CUX1: variants seen among roughly 807,000 people sequenced by gnomAD.
The protein encoded by CUX1 is cut like homeobox 1.
CUX1 carries 31 observed loss-of-function variants against 158.8 expected under a neutral mutation model. That is an observed-to-expected ratio of 0.20 (90% CI 0.15 to 0.26). The LOEUF (loss-of-function observed/expected upper bound fraction) is 0.26, where lower values mean the gene tolerates loss of function less well. Ranked by LOEUF, CUX1 falls within the 10% of genes least tolerant of loss-of-function variation. CUX1 has a pLI of 1.00. For missense variants in CUX1, 1,589 were observed against 2,014.6 expected (o/e 0.79, Z 4.04); for synonymous variants, 879 against 862.1 (o/e 1.02, Z -0.34).
At chr7:101,865,686 G>A (rs1265029334) in intron 1 of CUX1, among the ~76,000 whole-genome samples, 3 of 152,238 alleles carry the variant, frequency 2.0e-5, no homozygotes, top group Non-Finnish European at 2.9e-5. Context: ...GGGTGTGCGT[G>A]CACCCTGGAG....
chr7:101,924,538 C>A (rs923368584), intron 2 of CUX1, among the ~76,000 whole-genome samples: 6 of 151,460 alleles, frequency 4.0e-5, no homozygotes, highest in African/African-American at 1.5e-4. Context: ...AGCAAAGTCA[C>A]ATATCATCCC....
At chr7:102,025,454 C>A (rs1819891954) in intron 2 of CUX1, among the ~76,000 whole-genome samples, 1 of 152,066 alleles carries the variant, frequency 6.6e-6, no homozygotes. Flanking sequence ...ATAGTGAAAT[C>A]CTGTCTCTAC....
intron 2 of CUX1, among the ~76,000 whole-genome samples, chr7:101,984,706 T>C (rs1814053309): frequency 1.3e-5 from 2 of 152,102 alleles, no homozygotes; most frequent in African/African-American, 2.4e-5. Flanking sequence ...TGAAAAATGC[T>C]GGAGGTGGCT....
chr7:102,099,673 C>T (rs1416654254), intron 5 of CUX1, among the ~76,000 whole-genome samples: 4 of 152,052 alleles, frequency 2.6e-5, no homozygotes, highest in East Asian at 1.9e-4. Context: ...GTAGTCCTCC[C>T]GCCTCAGCCT....
intron 2 of CUX1, among the ~76,000 whole-genome samples, chr7:102,015,353 A>T (rs1342497608): frequency 6.6e-6 from 1 of 151,980 alleles, no homozygotes; most frequent in African/African-American, 2.4e-5. Flanking sequence ...TCAGCCTCCC[A>T]AGTAGCTTGG....
intron 1 of CUX1, among the ~76,000 whole-genome samples, chr7:101,898,244 A>G (rs1207202605): frequency 6.6e-6 from 1 of 152,210 alleles, no homozygotes; most frequent in Non-Finnish European, 1.5e-5. Context: ...GTTTTCCCCA[A>G]TGTAAAAGTC....
At chr7:102,203,797 G>C (rs751173807) in intron 18 of CUX1, among the ~76,000 whole-genome samples, 1 of 152,010 alleles carries the variant, frequency 6.6e-6, no homozygotes, top group Non-Finnish European at 1.5e-5. Flanking sequence ...GTGTGTACAC[G>C]CAACTCGGCA....
At chr7:101,865,520 A>G (rs1276853335) in intron 1 of CUX1, among the ~76,000 whole-genome samples, 5 of 152,170 alleles carry the variant, frequency 3.3e-5, no homozygotes, top group South Asian at 2.1e-4. Flanking sequence ...TTTACTGGCA[A>G]TCCTGTCTAC....
chr7:102,046,649 T>A (rs1314035509), intron 3 of CUX1, among the ~76,000 whole-genome samples: 1 of 144,126 alleles, frequency 6.9e-6, no homozygotes, highest in Non-Finnish European at 1.5e-5. Context: ...CGATCACAGC[T>A]CACTGCAGCC....
At chr7:102,015,684 T>C (rs1193611077) in intron 2 of CUX1, among the ~76,000 whole-genome samples, 1 of 152,220 alleles carries the variant, frequency 6.6e-6, no homozygotes, top group Non-Finnish European at 1.5e-5. Flanking sequence ...GGGATCAGAC[T>C]GTAAACAAGC....
At chr7:102,112,775 T>C (rs1831070166) in intron 7 of CUX1, among the ~76,000 whole-genome samples, 1 of 152,096 alleles carries the variant, frequency 6.6e-6, no homozygotes, top group Non-Finnish European at 1.5e-5. Context: ...TTCACCACAT[T>C]GGCCAGTCCG....
chr7:101,875,912 A>G (rs1799077601), intron 1 of CUX1, among the ~76,000 whole-genome samples: 1 of 152,162 alleles, frequency 6.6e-6, no homozygotes, highest in African/African-American at 2.4e-5. Flanking sequence ...AGAAACTACA[A>G]GAAATTATGG....
At chr7:101,976,644 G>C (rs1025710838) in intron 2 of CUX1, among the ~76,000 whole-genome samples, 2 of 152,102 alleles carry the variant, frequency 1.3e-5, no homozygotes, top group African/African-American at 4.8e-5. Flanking sequence ...TGACGAGTGT[G>C]AATGTGGCAG....
At chr7:102,163,504 A>G (rs1370231351) in intron 9 of CUX1, among the ~76,000 whole-genome samples, 1 of 151,994 alleles carries the variant, frequency 6.6e-6, no homozygotes, top group Non-Finnish European at 1.5e-5. Flanking sequence ...GGAGGGTCTG[A>G]GTATGAAGGA....
At chr7:101,932,614 C>A in intron 2 of CUX1, 1 of 455,252 alleles carries the variant, frequency 2.2e-6, no homozygotes. Context: ...GATGTGTGCT[C>A]GGGGAAAGGT....
chr7:102,261,727 G>A (rs1436320047), downstream of CUX1, among the ~76,000 whole-genome samples: 1 of 152,092 alleles, frequency 6.6e-6, no homozygotes, highest in Non-Finnish European at 1.5e-5. Flanking sequence ...TGATGACCGT[G>A]AGCAAGTCTT....
chr7:101,924,447 AC>A (rs1203867782), intron 2 of CUX1, among the ~76,000 whole-genome samples: 1 of 150,884 alleles, frequency 6.6e-6, no homozygotes, highest in East Asian at 2.0e-4. Flanking sequence ...GGCCCTGCAC[AC>A]CCCCCAGGAC....
intron 3 of CUX1, among the ~76,000 whole-genome samples, chr7:102,041,031 G>A (rs1284589412): frequency 2.0e-5 from 3 of 152,006 alleles, no homozygotes; most frequent in African/African-American, 4.8e-5. Flanking sequence ...GCTCATGCCT[G>A]TAATACCAGC....
At chr7:102,192,052 G>A (rs1554517155) in intron 12 of CUX1, among the ~76,000 whole-genome samples, 1 of 152,166 alleles carries the variant, frequency 6.6e-6, no homozygotes, top group Non-Finnish European at 1.5e-5. Flanking sequence ...CCCCACTCAG[G>A]TGGCTTCTTT....
Sources: allele counts gnomAD v4.1 joint callset (sites outside exome capture counted in the v4.1 genomes callset), GRCh38; gene constraint gnomAD v4.1.1; transcripts MANE v1.5; gene names NCBI Gene and HGNC (gene_info 2026-07-23, HGNC 2026-07-21).